The following CCP110 variants were observed in gnomAD, a reference collection of about 807,000 sequenced individuals.
The protein encoded by CCP110 is centriolar coiled-coil protein of 110 kDa.
CCP110 carries 43 observed loss-of-function variants against 105.5 expected under a neutral mutation model. The ratio of observed to expected loss-of-function variants is 0.41; its 90% CI spans 0.32 to 0.53. The LOEUF (loss-of-function observed/expected upper bound fraction) is 0.53. Among genes scored for constraint, CCP110 ranks in the 20% least tolerant of loss-of-function variants. CCP110 has a pLI of 0.32. For synonymous variants in CCP110, 353 were observed against 392.1 expected, an observed-to-expected ratio of 0.90 and a Z score of 1.18; for missense variants, 1,016 against 1,189.1, an observed-to-expected ratio of 0.85 and a Z score of 2.14.
At chr16:19,532,911 C>G (rs1969924846) in intron 3 of CCP110, among the ~76,000 whole-genome samples, 3 of 152,184 alleles carry the variant, frequency 2.0e-5, no homozygotes, top group African/African-American at 4.8e-5. Context: ...TATTCTCATT[C>G]TTTGCTTAAG....
chr16:19,548,239 T>G lies in CCP110; in HGVS notation c.2900+225T>G. 1 of 581,614 alleles carries G rather than the reference T, an allele frequency of 1.7e-6. No individual in the cohort carries two copies. The highest frequency in any genetic ancestry group is 3.0e-6 in the Non-Finnish European group (1 of 329,668). The allele number at this position is 581,614 out of a possible 1,614,324, so 36.0% of individuals were successfully genotyped here. ...TGTCTTAAGTTGGGATGTTTTTACT[T>G]TTCATTTCATACCATTTTACTCATA... On this transcript the variant is annotated intron_variant, in intron 13 of 14. Coordinates refer to ENST00000381396, the Ensembl canonical transcript of CCP110. The surrounding 1 kb of genome is among the most constrained non-coding windows in gnomAD (Gnocchi z 4.1).
chr16:19,535,181 G>A (rs11074401), intron 3 of CCP110, among the ~76,000 whole-genome samples: 55,835 of 152,070 alleles, frequency 0.37, 11,781 homozygotes, highest in East Asian at 0.56. Flanking sequence ...TGCCCCGCCA[G>A]TAGTCAGGCT....
At chr16:19,540,868 C>G in intron 5 of CCP110, 81 bp downstream of exon 5, 1 of 1,303,516 alleles carries the variant, frequency 7.7e-7, no homozygotes, top group South Asian at 1.5e-5. Context: ...GTATAGAATA[C>G]GTGTAATTTT....
chr16:19,526,648 A>T (rs1452594938), intron 1 of CCP110: 1 of 151,530 alleles, frequency 6.6e-6, no homozygotes, highest in Admixed American at 6.6e-5. Context: ...ATTATATCTT[A>T]TTTTTTTATA....
exon 4 of CCP110, chr16:19,536,706 C>T: frequency 6.2e-7 from 1 of 1,614,186 alleles, no homozygotes; most frequent in Non-Finnish European, 8.5e-7. Flanking sequence ...GTTATTCCCA[C>T]TTTTGTTACC....
At chr16:19,539,278 A>G (rs1282908562) in intron 4 of CCP110, among the ~76,000 whole-genome samples, 1 of 148,252 alleles carries the variant, frequency 6.7e-6, no homozygotes, top group Non-Finnish European at 1.5e-5. Context: ...TATAGAAGAC[A>G]TACAAATCAA....
At chr16:19,543,044 C>A in intron 8 of CCP110, 50 bp downstream of exon 8, 1 of 1,039,558 alleles carries the variant, frequency 9.6e-7, no homozygotes. Context: ...TAGTTTCTAT[C>A]AGTCTTGTGA....
intron 4 of CCP110, among the ~76,000 whole-genome samples, chr16:19,538,452 G>T (rs1970160982): frequency 6.6e-6 from 1 of 151,460 alleles, no homozygotes; most frequent in Non-Finnish European, 1.5e-5. Context: ...TGGGATTACA[G>T]GTGCTTACCA....
At position 19,548,463 on chromosome 16, in the gene CCP110, A is replaced by G. The variant is rs1770126447; in HGVS notation, c.2901-52A>G. 2.6e-6 allele frequency: 3 copies of G among 1,162,792 alleles called. No individual in the cohort carries two copies. The Admixed American group carries it at 7.7e-5, about 30-fold the overall frequency. The allele number at this position is 1,162,792 out of a possible 1,614,324, so 72.0% of individuals were successfully genotyped here. A position where few individuals can be genotyped will look rare whatever the true frequency, so the allele number is the denominator to read the frequency against. ...ATGTGATTGCTTTCTTTGAATTTTG[A>G]ACATTTAGACCTTAATGCCAGTGAC... On this transcript the variant is annotated intron_variant, in intron 13 of 14. Transcript: ENST00000381396. The surrounding 1 kb of genome is among the most constrained non-coding windows in gnomAD (Gnocchi z 4.1).
At chr16:19,530,013 G>A (rs1171932493) in intron 2 of CCP110, among the ~76,000 whole-genome samples, 4 of 151,698 alleles carry the variant, frequency 2.6e-5, no homozygotes, top group South Asian at 4.2e-4. Context: ...TCAGGGCAAC[G>A]TGGTGAAATC....
At position 19,548,473 on chromosome 16, in the gene CCP110, C is replaced by A; in HGVS notation, c.2901-42C>A. On this transcript the variant is annotated intron_variant, in intron 13 of 14. Transcript: ENST00000381396. This position sits in a 1 kb window ranked among gnomAD's most constrained non-coding sequence, Gnocchi z 4.1. ...TTTCTTTGAATTTTGAACATTTAGACCTTAATGCCAGTGACTTATTAATTT... is the reference window on the plus strand; with the variant it reads ...TTTCTTTGAATTTTGAACATTTAGAACTTAATGCCAGTGACTTATTAATTT... 1 of 1,245,084 alleles carries A rather than the reference C, an allele frequency of 8.0e-7. No individual in the cohort carries two copies. The highest frequency in any genetic ancestry group is 1.1e-6 in the Non-Finnish European group (1 of 883,702). The allele number at this position is 1,245,084 out of a possible 1,614,324, so 77.1% of individuals were successfully genotyped here. A position where few individuals can be genotyped will look rare whatever the true frequency, so the allele number is the denominator to read the frequency against.
exon 15 of CCP110, chr16:19,551,440 C>A (rs368149685): frequency 8.1e-6 from 5 of 616,548 alleles, no homozygotes; most frequent in South Asian, 1.9e-5. Flanking sequence ...CTTAATAATA[C>A]GTTTGGGTGA....
At chr16:19,540,820 G>C in intron 5 of CCP110, 33 bp downstream of exon 5, 1 of 1,596,834 alleles carries the variant, frequency 6.3e-7, no homozygotes, top group South Asian at 1.1e-5. Flanking sequence ...CAACTGGTAA[G>C]TGAAATTTAG....
chr16:19,541,649 GGAGAGAGAGAGAGA>G (rs142905705), intron 5 of CCP110, among the ~76,000 whole-genome samples: 97 of 128,916 alleles, frequency 7.5e-4, no homozygotes, highest in African/African-American at 1.2e-3. Flanking sequence ...GAGAGAGAGA[GGAGAGAGAGAGAGA>G]GAGAGAGAGA....
At position 19,536,665 on chromosome 16, in the gene CCP110, C is replaced by A. The variant is rs1486480024; in HGVS notation, c.996C>A (p.Pro332=). ...ACATACCTATACGAACTGGCCATCC[C>A]ACTGTTCTAGAGTCTAATTCTGATT... The change falls in exon 4 of 15, where the codon CCC becomes CCA. Residue 332 remains proline, a synonymous_variant. Coordinates refer to ENST00000381396, the Ensembl canonical transcript of CCP110. 5.0e-6 allele frequency: 8 copies of A among 1,614,142 alleles called. No homozygotes were observed. The South Asian group carries it at 8.8e-5, about 18-fold the overall frequency.
chr16:19,539,885 C>T (rs1255596137), intron 4 of CCP110, among the ~76,000 whole-genome samples: 1 of 151,512 alleles, frequency 6.6e-6, no homozygotes, highest in South Asian at 2.1e-4. Context: ...CTGCAACCTC[C>T]GCCTCCCAGG....
intron 10 of CCP110, 21 bp from the exon 11 acceptor site, chr16:19,545,796 C>A (rs186110926): frequency 1.4e-6 from 2 of 1,423,324 alleles, no homozygotes; most frequent in Non-Finnish European, 2.0e-6. Flanking sequence ...TAGAGTTTGA[C>A]GTTACTTTTG....
At chr16:19,531,542 G>C (rs1969866758) in intron 2 of CCP110, among the ~76,000 whole-genome samples, 1 of 152,194 alleles carries the variant, frequency 6.6e-6, no homozygotes, top group Non-Finnish European at 1.5e-5. Context: ...TTCTGCTTTT[G>C]TAGGCAAATA....
chr16:19,525,659 T>C (rs950746019), intron 1 of CCP110: 3 of 152,236 alleles, frequency 2.0e-5, no homozygotes, highest in Admixed American at 2.0e-4. Context: ...TTTCTTCTGG[T>C]TTACATTATT....
Sources: gnomAD v4.1 joint callset for allele counts (sites outside exome capture counted in the v4.1 genomes callset) on GRCh38, gnomAD v4.1.1 for gene constraint, Gnocchi (gnomAD v3.1) non-coding constraint, MANE v1.5 for transcripts, NCBI Gene and HGNC (gene_info 2026-07-23, HGNC 2026-07-21) for gene names.